The following LAMC1 variants were observed in gnomAD, a reference collection of about 807,000 sequenced individuals.
LAMC1 encodes the protein laminin subunit gamma-1.
A neutral mutation model predicts 173.6 loss-of-function variants in LAMC1; 38 were observed. That is an observed-to-expected ratio of 0.22 (90% CI 0.17 to 0.29). The LOEUF is 0.29. Ranked by LOEUF, LAMC1 falls within the 10% of genes least tolerant of loss-of-function variation. LAMC1 has a pLI of 1.00. For synonymous variants in LAMC1, 746 were observed against 749.1 expected, an observed-to-expected ratio of 1.00 and a Z score of 0.07; for missense variants, 1,824 against 2,051.8, an observed-to-expected ratio of 0.89 and a Z score of 2.14.
rs749145776 is a variant in LAMC1 at position 183,132,471 on chromosome 1, A to C, written c.3638A>C (p.Asn1213Thr). 1 of 1,613,444 alleles carries C rather than the reference A, an allele frequency of 6.2e-7. No homozygotes were observed. Among genetic ancestry groups the C allele is most frequent in the Non-Finnish European group, 8.5e-7 (1 of 1,179,382 alleles). Residue 1213 changes from asparagine to threonine, a missense_variant, in exon 21 of 28, where the codon AAC becomes ACC. Coordinates refer to ENST00000258341, the MANE Select transcript of LAMC1 (RefSeq NM_002293.4). ...TANDTSTEAY[N>T]LLLRTLAGEN... ...AATGATACGTCAACTGAGGCATACA[A>C]CCTGCTTCTGAGGACACTGGCAGGA...
intron 1 of LAMC1, among the ~76,000 whole-genome samples, chr1:183,065,680 T>G (rs1201810664): frequency 6.6e-6 from 1 of 152,192 alleles, no homozygotes; most frequent in Non-Finnish European, 1.5e-5. Flanking sequence ...AATTGTCACG[T>G]GTATATTTTT....
At chr1:183,095,082 G>C (rs1461591904) in intron 1 of LAMC1, among the ~76,000 whole-genome samples, 1 of 152,236 alleles carries the variant, frequency 6.6e-6, no homozygotes, top group Non-Finnish European at 1.5e-5. Flanking sequence ...CCAAACTAAG[G>C]TGATCTCCCG....
Position 183,110,556 on chromosome 1 carries a change from A to G in LAMC1, c.923A>G (p.Lys308Arg), listed in dbSNP as rs139092535. The stretch of plus-strand genomic sequence containing the variant: ...TTTGATAAGCTGGTGTGTAATTGCA[A>G]ACATAACACATATGGAGTAGACTGT... ...NEFDKLVCNCKHNTYGVDCEK... is the reference protein window; with the variant it reads ...NEFDKLVCNCRHNTYGVDCEK... Residue 308 changes from lysine to arginine, a missense_variant, in exon 4 of 28, where the codon AAA becomes AGA. Physicochemically the swap from Lys to Arg is conservative, Grantham distance 26 (BLOSUM62 2). Coordinates refer to ENST00000258341, the MANE Select transcript of LAMC1 (RefSeq NM_002293.4). 5.4e-4 allele frequency: 867 copies of G among 1,613,632 alleles called. 4 individuals are homozygous for G. In the Middle Eastern group the frequency reaches 9.9e-3, roughly 18 times the overall value.
chr1:183,057,186 G>A (rs1430122224), intron 1 of LAMC1, among the ~76,000 whole-genome samples: 1 of 152,200 alleles, frequency 6.6e-6, no homozygotes, highest in Non-Finnish European at 1.5e-5. Flanking sequence ...ACACAGATTG[G>A]TGTTCTTACC....
Position 183,135,111 on chromosome 1 carries a change from C to T in LAMC1, c.4069C>T (p.Arg1357Trp), listed in dbSNP as rs759760497. 32 of 1,613,808 alleles carry T rather than the reference C, an allele frequency of 2.0e-5. No individual in the cohort carries two copies. Among genetic ancestry groups the T allele is most frequent in the East Asian group, 6.7e-5 (3 of 44,896 alleles). The change falls in exon 24 of 28, where the codon CGG becomes TGG. Residue 1357 changes from arginine to tryptophan, a missense_variant. Arg to Trp is a moderately radical substitution (Grantham distance 101). Coordinates refer to ENST00000258341, the MANE Select transcript of LAMC1 (RefSeq NM_002293.4). ...CGCTGAAGAAGCTGCAAAGAAGGGA[C>T]GGGATACCTTACAAGAAGCTAATGA... ...ALAEEAAKKG[R>W]DTLQEANDIL...
Position 183,124,642 on chromosome 1 carries a change from G to A in LAMC1, c.2413G>A (p.Glu805Lys). Residue 805 changes from glutamate (E) to lysine (K), a missense_variant, in exon 14 of 28, where the codon GAG becomes AAG. Coordinates refer to ENST00000258341, the MANE Select transcript of LAMC1 (RefSeq NM_002293.4). ...CPTGTTGKRCELCDDGYFGDP... is the reference protein window; with the variant it reads ...CPTGTTGKRCKLCDDGYFGDP... ...TGTCTCATCCCCAGGTAAGAGATGTGAGCTCTGTGATGATGGCTACTTTGG... is the reference window on the plus strand; with the variant it reads ...TGTCTCATCCCCAGGTAAGAGATGTAAGCTCTGTGATGATGGCTACTTTGG... 6.2e-7 allele frequency: 1 copy of A among 1,614,194 alleles called. No individual in the cohort carries two copies.
Position 183,023,684 on chromosome 1 carries a change from G to C in LAMC1, c.-33G>C, listed in dbSNP as rs772924603. 8.6e-7 allele frequency: 1 copy of C among 1,163,892 alleles called. No homozygotes were observed. The highest frequency in any genetic ancestry group is 1.1e-6 in the Non-Finnish European group (1 of 942,386). The allele number at this position is 1,163,892 out of a possible 1,614,324, so 72.1% of individuals were successfully genotyped here. ...GCGAGAGGAACGCGCCGGTGCCCTT[G>C]CCTTCGCCGTGACCCAGCGTGCGGG... On this transcript the variant is annotated 5_prime_UTR_variant, in exon 1 of 28. Coordinates refer to ENST00000258341, the MANE Select transcript of LAMC1 (RefSeq NM_002293.4).
At position 183,125,514 on chromosome 1, in the gene LAMC1, G is replaced by T; in HGVS notation, c.2765G>T (p.Gly922Val). ...TGQDCGACDP[G>V]FYNLQSGQGC... is the part of the protein sequence containing the mutation. ...CAGGACTGTGGTGCTTGTGACCCTG[G>T]ATTCTACAATCTGCAGAGTGGGCAA... The change falls in exon 15 of 28, where the codon GGA becomes GTA. Residue 922 changes from glycine (G) to valine (V), a missense_variant. By Grantham distance (109) the Gly-to-Val change is moderately radical. Coordinates refer to ENST00000258341, the MANE Select transcript of LAMC1 (RefSeq NM_002293.4). 1 of 1,612,340 alleles carries T rather than the reference G, an allele frequency of 6.2e-7. No individual in the cohort carries two copies. Among genetic ancestry groups the T allele is most frequent in the African/African-American group, 1.3e-5 (1 of 75,000 alleles).
At chr1:183,086,007 G>C (rs1360770356) in intron 1 of LAMC1, among the ~76,000 whole-genome samples, 2 of 152,040 alleles carry the variant, frequency 1.3e-5, no homozygotes, top group Non-Finnish European at 2.9e-5. Context: ...GGTCTTTTAG[G>C]GGAGCCCTTG....
At chr1:183,064,710 C>T (rs1260777268) in intron 1 of LAMC1, among the ~76,000 whole-genome samples, 1 of 152,142 alleles carries the variant, frequency 6.6e-6, no homozygotes, top group East Asian at 1.9e-4. Flanking sequence ...AACAAAATAA[C>T]AAATATGGCA....
In LAMC1 at chr1:183,103,344, C is replaced by A; in HGVS notation, c.435C>A (p.Ile145=). ...LTLHLGKAFD[I]TYVRLKFHTS... is the part of the protein sequence containing the mutation. ...GTCCCACAGGAAAAGCTTTTGACAT[C>A]ACCTATGTGCGTCTCAAGTTCCACA... Residue 145 remains isoleucine, a synonymous_variant, in exon 2 of 28, where the codon ATC becomes ATA. Transcript: ENST00000258341. The A allele has an allele frequency of 6.2e-7, 1 of 1,613,492 alleles. No homozygotes were observed. The highest frequency in any genetic ancestry group is 8.5e-7 in the Non-Finnish European group (1 of 1,179,650).
At chr1:183,089,025 G>T (rs932860581) in intron 1 of LAMC1, among the ~76,000 whole-genome samples, 1 of 152,178 alleles carries the variant, frequency 6.6e-6, no homozygotes, top group African/African-American at 2.4e-5. Context: ...GAGTGATAAT[G>T]ATATAGGGTG....
At chr1:183,142,334 C>A (rs953564270) in intron 27 of LAMC1, among the ~76,000 whole-genome samples, 200 bp from the exon 28 acceptor site, 1 of 152,186 alleles carries the variant, frequency 6.6e-6, no homozygotes, top group African/African-American at 2.4e-5. Flanking sequence ...CAGACCCATC[C>A]CTGCTGGGTT....
At position 183,125,512 on chromosome 1, in the gene LAMC1, T is replaced by G; in HGVS notation, c.2763T>G (p.Pro921=). The change falls in exon 15 of 28, where the codon CCT becomes CCG. Residue 921 remains proline (P), a synonymous_variant. Coordinates refer to ENST00000258341, the MANE Select transcript of LAMC1 (RefSeq NM_002293.4). The stretch of plus-strand genomic sequence containing the variant: ...GCCAGGACTGTGGTGCTTGTGACCC[T>G]GGATTCTACAATCTGCAGAGTGGGC... The part of the protein sequence containing the change: ...VTGQDCGACD[P]GFYNLQSGQG... 1 of 1,612,404 alleles carries G rather than the reference T, an allele frequency of 6.2e-7. No individual in the cohort carries two copies. Among genetic ancestry groups the G allele is most frequent in the Non-Finnish European group, 8.5e-7 (1 of 1,179,114 alleles).
At chr1:183,059,202 C>T (rs553111136) in intron 1 of LAMC1, among the ~76,000 whole-genome samples, 1 of 152,318 alleles carries the variant, frequency 6.6e-6, no homozygotes, top group South Asian at 2.1e-4. Context: ...GAAACCTACT[C>T]AGAGATAAGG....
chr1:183,079,232 GTTTTTTTTTTTTTTTTTTTTTTT>G (rs796732672), intron 1 of LAMC1, among the ~76,000 whole-genome samples: 65 of 62,840 alleles, frequency 1.0e-3, no homozygotes, highest in East Asian at 9.0e-3. Context: ...CTCTAATCTG[GTTTTTTTTTTTTTTTTTTTTTTT>G]TTTTTTTTTT....
rs1463318768 is a variant in LAMC1 at position 183,124,689 on chromosome 1, C to T, written c.2460C>T (p.Gly820=). Residue 820 remains glycine (G), a synonymous_variant, in exon 14 of 28, where the codon GGC becomes GGT. Coordinates refer to ENST00000258341, the MANE Select transcript of LAMC1 (RefSeq NM_002293.4). The part of the protein sequence containing the change: ...GYFGDPLGRN[G]PVRLCRLCQC... The stretch of plus-strand genomic sequence containing the variant: ...TTGGAGACCCCCTGGGTAGAAACGG[C>T]CCTGTGAGACTTTGCCGCCTGTGCC... 6.2e-7 allele frequency: 1 copy of T among 1,614,188 alleles called. No individual in the cohort carries two copies. The highest frequency in any genetic ancestry group is 8.5e-7 in the Non-Finnish European group (1 of 1,180,040).
intron 1 of LAMC1, among the ~76,000 whole-genome samples, chr1:183,097,364 G>GT (rs1213679023): frequency 2.6e-5 from 4 of 152,094 alleles, no homozygotes; most frequent in Non-Finnish European, 5.9e-5. Context: ...CTTCCAAAGA[G>GT]TTAACACATA....
chr1:183,134,111 G>C (rs1211445420), intron 22 of LAMC1, among the ~76,000 whole-genome samples: 1 of 152,134 alleles, frequency 6.6e-6, no homozygotes, highest in Non-Finnish European at 1.5e-5. Context: ...TTTCATATCT[G>C]TACTCTTAAT....
Sources: allele counts gnomAD v4.1 joint callset (sites outside exome capture counted in the v4.1 genomes callset), GRCh38; gene constraint gnomAD v4.1.1; transcripts MANE v1.5; gene names NCBI Gene and HGNC (gene_info 2026-07-23, HGNC 2026-07-21).